The following SUPT20H variants were observed in gnomAD, a reference collection of about 807,000 sequenced individuals.
The protein encoded by SUPT20H is SPT20 homolog, SAGA complex component.
In SUPT20H, 82 loss-of-function variants were observed where a neutral mutation model predicts 122.8. The observed-to-expected ratio is 0.67, with a 90% CI of 0.56 to 0.80. The LOEUF is 0.80. Ranked by LOEUF, SUPT20H falls within the 30% of genes least tolerant of loss-of-function variation. The pLI, the probability that SUPT20H is intolerant of heterozygous loss-of-function variation, is 0.00. For synonymous variants in SUPT20H, 291 were observed against 313.0 expected (o/e 0.93, Z 0.74); for missense variants, 831 against 921.6 (o/e 0.90, Z 1.27).
At chr13:37,047,779 C>A in intron 4 of SUPT20H, 99 bp downstream of exon 4, 1 of 1,295,414 alleles carries the variant, frequency 7.7e-7, no homozygotes, top group East Asian at 2.5e-5. Flanking sequence ...TGCAAAGAAC[C>A]TATAAAATTT....
At chr13:37,027,235 A>G (rs1594122579) in intron 14 of SUPT20H, among the ~76,000 whole-genome samples, 1 of 152,042 alleles carries the variant, frequency 6.6e-6, no homozygotes, top group East Asian at 1.9e-4. Flanking sequence ...CCCTATATCT[A>G]AAATAAAAAT....
chr13:37,029,109 A>T (rs2062831179), intron 13 of SUPT20H, among the ~76,000 whole-genome samples: 1 of 152,130 alleles, frequency 6.6e-6, no homozygotes, highest in Non-Finnish European at 1.5e-5. Context: ...TATTATTGCA[A>T]TTAGGAAAAC....
At chr13:37,015,778 C>T (rs187616400) in intron 23 of SUPT20H, among the ~76,000 whole-genome samples, 1 of 152,194 alleles carries the variant, frequency 6.6e-6, no homozygotes, top group East Asian at 1.9e-4. Flanking sequence ...GGAAGATACC[C>T]AAGTATCCAT....
At chr13:37,041,483 A>G (rs2065461538) in intron 7 of SUPT20H, among the ~76,000 whole-genome samples, 1 of 151,648 alleles carries the variant, frequency 6.6e-6, no homozygotes, top group Non-Finnish European at 1.5e-5. Flanking sequence ...GGGCCACTGC[A>G]TTCCAGCCTG....
In SUPT20H at chr13:37,059,566, G is replaced by T. The variant is rs955058093; in HGVS notation, c.-101C>A. ...CCTACCGCCACCGCCCACCTGTGCGGGTCGCCTCGCCGCTAGGCCCCAAGA... is the reference window on the plus strand; with the variant it reads ...CCTACCGCCACCGCCCACCTGTGCGTGTCGCCTCGCCGCTAGGCCCCAAGA... On this transcript the variant is annotated 5_prime_UTR_variant, in exon 1 of 26. Coordinates refer to ENST00000350612, the MANE Select transcript of SUPT20H (RefSeq NM_001014286.3). 6.6e-6 allele frequency: 1 copy of T among 152,512 alleles called. No homozygotes were observed. Among genetic ancestry groups the T allele is most frequent in the South Asian group, 2.1e-4 (1 of 4,848 alleles). The allele number at this position is 152,512 out of a possible 1,614,324, so 9.4% of individuals were successfully genotyped here. A position where few individuals can be genotyped will look rare whatever the true frequency, so the allele number is the denominator to read the frequency against.
intron 23 of SUPT20H, among the ~76,000 whole-genome samples, chr13:37,015,330 G>T (rs572379220): frequency 6.7e-6 from 1 of 150,056 alleles, no homozygotes; most frequent in East Asian, 2.0e-4. Context: ...AAAAAAAAAT[G>T]GGCAAGGGAC....
rs1223154515 is a variant in SUPT20H, at chr13:37,024,408, A to G, written c.1364T>C (p.Leu455Ser). 7 of 1,584,066 alleles carry G rather than the reference A, an allele frequency of 4.4e-6. No individual in the cohort carries two copies. Among genetic ancestry groups the G allele is most frequent in the Middle Eastern group, 3.4e-4 (2 of 5,918 alleles). ...TETVSVQSSV[L>S]GKGVKHRPPP... ...GGGTCGATGTTTTACACCCTTCCCC[A>G]ATACCGAAGACTGAACTGACACGGT... The change falls in exon 18 of 26, where the codon TTG (leucine) becomes TCG (serine). Residue 455 changes from leucine to serine, a missense_variant. Leu to Ser is a moderately radical substitution (Grantham distance 145, BLOSUM62 -2). Coordinates refer to ENST00000350612, the MANE Select transcript of SUPT20H (RefSeq NM_001014286.3).
At chr13:37,020,442 C>T (rs1236884195) in intron 21 of SUPT20H, among the ~76,000 whole-genome samples, 1 of 152,132 alleles carries the variant, frequency 6.6e-6, no homozygotes, top group Non-Finnish European at 1.5e-5. Context: ...TTTATTCCCA[C>T]TTTAGAGCAA....
At chr13:37,021,194 T>C (rs976709011) in intron 21 of SUPT20H, among the ~76,000 whole-genome samples, 7 of 152,156 alleles carry the variant, frequency 4.6e-5, no homozygotes, top group Admixed American at 3.9e-4. Context: ...CCAAAATTAA[T>C]TTTGTTATTT....
chr13:37,031,923 C>T (rs374343282), intron 10 of SUPT20H, 28 bp from the exon 11 acceptor site: 88 of 1,546,796 alleles, frequency 5.7e-5, no homozygotes, highest in African/African-American at 3.6e-4. Flanking sequence ...TTGAACTAAA[C>T]GGCACTAATA....
At chr13:37,023,865 A>T in intron 19 of SUPT20H, 170 bp downstream of exon 19, 3 of 570,784 alleles carry the variant, frequency 5.3e-6, no homozygotes, top group Non-Finnish European at 8.7e-6. Flanking sequence ...CAATAGAGAC[A>T]TAATACATAC....
At chr13:37,040,987 A>G (rs1209699444) in intron 7 of SUPT20H, among the ~76,000 whole-genome samples, 1 of 152,210 alleles carries the variant, frequency 6.6e-6, no homozygotes, top group Non-Finnish European at 1.5e-5. Flanking sequence ...TTTACATACT[A>G]TTATGTTACA....
intron 16 of SUPT20H, among the ~76,000 whole-genome samples, 200 bp from the exon 17 acceptor site, chr13:37,025,637 T>G (rs552562536): frequency 2.6e-5 from 4 of 152,188 alleles, no homozygotes; most frequent in African/African-American, 9.7e-5. Context: ...TCCAAAACAT[T>G]GTGCTAAATA....
intron 1 of SUPT20H, chr13:37,059,060 G>A (rs887138189): frequency 1.3e-5 from 2 of 152,140 alleles, no homozygotes; most frequent in South Asian, 2.1e-4. Context: ...TCTGAGCGCC[G>A]GGTAACCATG....
intron 19 of SUPT20H, chr13:37,023,131 C>G: frequency 9.0e-7 from 1 of 1,112,076 alleles, no homozygotes; most frequent in Non-Finnish European, 1.2e-6. Flanking sequence ...AGTAGATTAC[C>G]ATAATCCATA....
chr13:37,057,404 G>A (rs183962617), intron 1 of SUPT20H, among the ~76,000 whole-genome samples: 4 of 152,000 alleles, frequency 2.6e-5, no homozygotes, highest in Non-Finnish European at 1.5e-5. Context: ...AACCACTACT[G>A]GGTGTCTACA....
intron 9 of SUPT20H, among the ~76,000 whole-genome samples, chr13:37,037,403 T>C (rs2064681137): frequency 1.3e-5 from 2 of 152,208 alleles, no homozygotes; most frequent in Non-Finnish European, 2.9e-5. Context: ...ACTTGCTTTA[T>C]TGCAGTATTT....
At chr13:37,043,810 T>C (rs1299544220) in intron 7 of SUPT20H, among the ~76,000 whole-genome samples, 1 of 150,228 alleles carries the variant, frequency 6.7e-6, no homozygotes, top group East Asian at 2.0e-4. Context: ...TTTGAGACTG[T>C]AGTGAGCTCA....
chr13:37,033,816 C>A (rs138823495), intron 9 of SUPT20H, among the ~76,000 whole-genome samples: 1 of 152,128 alleles, frequency 6.6e-6, no homozygotes, highest in East Asian at 1.9e-4. Flanking sequence ...TATTGTGGTT[C>A]GCAAATATTG....
Sources: allele counts gnomAD v4.1 joint callset (sites outside exome capture counted in the v4.1 genomes callset), GRCh38; gene constraint gnomAD v4.1.1; transcripts MANE v1.5; gene names NCBI Gene and HGNC (gene_info 2026-07-23, HGNC 2026-07-21).